NFRKB: variants seen among roughly 807,000 people sequenced by gnomAD.
NFRKB encodes the protein nuclear factor related to kappa-B-binding protein.
A neutral mutation model predicts 135.7 loss-of-function variants in NFRKB; 62 were observed. That is an observed-to-expected ratio of 0.46 (90% CI 0.37 to 0.56). The LOEUF (loss-of-function observed/expected upper bound fraction) is 0.56. NFRKB is among the 20% of genes least tolerant of loss of function. The probability of loss-of-function intolerance (pLI) is 0.00; values close to 1 mark genes in which losing one functional copy is unlikely to be tolerated. For synonymous variants in NFRKB, 678 were observed against 635.6 expected (o/e 1.07, Z -1.00); for missense variants, 1,545 against 1,662.0 (o/e 0.93, Z 1.22).
chr11:129,875,044 C>A, intron 18 of NFRKB, 128 bp from the exon 19 acceptor site: 1 of 1,195,076 alleles, frequency 8.4e-7, no homozygotes, highest in Non-Finnish European at 1.2e-6. Context: ...AGCCTAGCTG[C>A]GTATTCCCAA....
intron 4 of NFRKB, 82 bp downstream of exon 4, chr11:129,888,512 A>C (rs1399571031): frequency 7.6e-7 from 1 of 1,323,550 alleles, no homozygotes; most frequent in South Asian, 1.2e-5. Flanking sequence ...AAAAAGAAGA[A>C]AAGGAAGAAA....
In NFRKB at chr11:129,870,189, G is replaced by A. The variant is rs1299880854; in HGVS notation, c.2836C>T (p.Arg946Cys). The change falls in exon 24 of 27, where the codon CGC becomes TGC. Residue 946 changes from arginine to cysteine, a missense_variant. Around this residue, in one of 3 missense-constraint regions of NFRKB, gnomAD observed 753 missense variants for 804.3 expected, o/e 0.94. Transcript: ENST00000682444. ...CGCAATACATCCTTACCCTGGATGC[G>A]GAAGTTAGTGGCTGTGAGTGGAATG... The part of the protein sequence containing the change: ...NSIPLTATNF[R>C]IQGKDVLRLP... 8 of 1,614,198 alleles carry A rather than the reference G, an allele frequency of 5.0e-6. No individual in the cohort carries two copies. Among genetic ancestry groups the A allele is most frequent in the South Asian group, 3.3e-5 (3 of 91,084 alleles).
rs1376564996 is a variant in NFRKB at position 129,888,779 on chromosome 11, T to A, written c.152A>T (p.Asp51Val). The change falls in exon 4 of 27, where the codon GAT (aspartate) becomes GTT (valine). Residue 51 changes from aspartate (D) to valine (V), a missense_variant. This residue lies in a region of NFRKB where 678 missense variants were observed against 646.7 expected (regional missense o/e 1.05). Transcript: ENST00000682444. ...DLLEDPEIFF[D>V]VVSLSTWQEV... ...CTGCCATGTTGAGAGGCTGACAACA[T>A]CAAAGAAGATCTCAGGCTAGGAGAA... 8.7e-6 allele frequency: 14 copies of A among 1,613,124 alleles called. No individual in the cohort carries two copies. The South Asian group carries it at 1.1e-4, about 13-fold the overall frequency.
At chr11:129,884,413 C>G (rs1206177493) in intron 7 of NFRKB, among the ~76,000 whole-genome samples, 1 of 152,192 alleles carries the variant, frequency 6.6e-6, no homozygotes, top group Non-Finnish European at 1.5e-5. Flanking sequence ...TCCAAACTCA[C>G]AGACACTCTG....
intron 4 of NFRKB, chr11:129,888,209 T>C (rs1168856124): frequency 6.3e-5 from 32 of 509,044 alleles, no homozygotes; most frequent in Non-Finnish European, 4.5e-5. Context: ...CAGCAAAAAG[T>C]GTGTGTGTAC....
rs76283407 is a variant in NFRKB at position 129,876,960 on chromosome 11, T to C, written c.1573-65A>G. On this transcript the variant is annotated intron_variant, in intron 16 of 26. Transcript: ENST00000682444. ...AGTGGGGTTCTCTCTCGGGCTTCCTTACAATATAAGCAGATCCACATGGAA... is the reference window on the plus strand; with the variant it reads ...AGTGGGGTTCTCTCTCGGGCTTCCTCACAATATAAGCAGATCCACATGGAA... 8.4e-3 allele frequency: 12,288 copies of C among 1,454,406 alleles called. 877 individuals carry two copies. The African/African-American group carries it at 0.15, about 18-fold the overall frequency. 90.1% of individuals were successfully genotyped at this position (1,454,406 alleles called of 1,614,324 possible). A position where few individuals can be genotyped will look rare whatever the true frequency, so the allele number is the denominator to read the frequency against.
chr11:129,893,132 T>C (rs1311942330), intron 2 of NFRKB: 16 of 1,299,108 alleles, frequency 1.2e-5, no homozygotes, highest in Non-Finnish European at 1.4e-5. Flanking sequence ...TGCCTTCATT[T>C]TACAGATGAG....
Position 129,882,535 on chromosome 11 carries a change from A to C in NFRKB, c.998T>G (p.Leu333Arg). ...TTCAGTACTGCTTAGCGGCTCGGCC[A>C]GGTCCTCTGCCTCTGATTTGATCGT... ...IKTIKSEAEDLAEPLSSTEGV... is the reference protein window; with the variant it reads ...IKTIKSEAEDRAEPLSSTEGV... The change falls in exon 10 of 27, where the codon CTG becomes CGG. Residue 333 changes from leucine (L) to arginine (R), a missense_variant. This residue lies in a region of NFRKB where 678 missense variants were observed against 646.7 expected (regional missense o/e 1.05). Transcript: ENST00000682444. The C allele has an allele frequency of 6.2e-7, 1 of 1,614,102 alleles. No homozygotes were observed. Among genetic ancestry groups the C allele is most frequent in the Non-Finnish European group, 8.5e-7 (1 of 1,179,964 alleles).
intron 17 of NFRKB, 136 bp from the exon 18 acceptor site, chr11:129,875,599 C>G: frequency 1.7e-6 from 1 of 593,930 alleles, no homozygotes; most frequent in South Asian, 2.1e-5. Flanking sequence ...GGATTAGGTG[C>G]ACTCTGCCCT....
chr11:129,874,549 A>G lies in NFRKB; in HGVS notation c.2010T>C (p.Ala670=). The G allele has an allele frequency of 6.2e-7, 1 of 1,614,144 alleles. No homozygotes were observed. The highest frequency in any genetic ancestry group is 8.5e-7 in the Non-Finnish European group (1 of 1,180,032). The stretch of plus-strand genomic sequence containing the variant: ...TTTGCTGAAGAGCTTTTCTGGCTTT[A>G]GCTGCAGCTGCTTGTGCTTGGTGAA... ...ERIHQAQAAA[A]KARKALQQKP... Residue 670 remains alanine, a synonymous_variant, in exon 20 of 27, where the codon GCT becomes GCC. Transcript: ENST00000682444. This position sits in a 1 kb window ranked among gnomAD's most constrained non-coding sequence, Gnocchi z 4.5.
rs368899024 is a variant in NFRKB, at chr11:129,882,487, G to T, written c.1046C>A (p.Ala349Asp). The T allele has an allele frequency of 1.1e-5, 17 of 1,613,740 alleles. No homozygotes were observed. In the Admixed American group the frequency reaches 2.7e-4, roughly 25 times the overall value. Residue 349 changes from alanine to aspartate, a missense_variant, in exon 10 of 27, where the codon GCC (alanine) becomes GAC (aspartate). Ala to Asp is a moderately radical substitution (Grantham distance 126). Around this residue, in one of 3 missense-constraint regions of NFRKB, gnomAD observed 678 missense variants for 646.7 expected, o/e 1.05. Transcript: ENST00000682444. ...AGCAGGAATTGCCAGCGGAGAGGGG[G>T]CCTGTGAGAGAGGTGCGACCCCTTC... ...STEGVAPLSQ[A>D]PSPLAIPAIK...
chr11:129,883,978 A>G, intron 8 of NFRKB, 92 bp downstream of exon 8: 1 of 1,303,104 alleles, frequency 7.7e-7, no homozygotes, highest in South Asian at 1.2e-5. Context: ...GGACATACAG[A>G]CGAGGCAGTG....
At chr11:129,893,064 G>T in intron 2 of NFRKB, 194 bp from the exon 3 acceptor site, 1 of 1,424,518 alleles carries the variant, frequency 7.0e-7, no homozygotes, top group Non-Finnish European at 9.2e-7. Context: ...AGTCTTACCT[G>T]GAAGAGCTCT....
At chr11:129,877,562 A>AT (rs1417377651) in intron 15 of NFRKB, among the ~76,000 whole-genome samples, 177 bp from the exon 16 acceptor site, 1 of 152,222 alleles carries the variant, frequency 6.6e-6, no homozygotes, top group Non-Finnish European at 1.5e-5. Context: ...CCTGTTGGTA[A>AT]TTCCAAAATC....
At position 129,866,014 on chromosome 11, in the gene NFRKB, G is replaced by C. The variant is rs574963403; in HGVS notation, c.3532-31C>G. On this transcript the variant is annotated intron_variant, in intron 24 of 26. Transcript: ENST00000682444. Reference sequence around the variant, plus strand: ...AAAAAAAAGCAGTCAGGTTTTGTAAGACAGGAGGTAAGGAAAACCAGCAAG... The same window carrying C: ...AAAAAAAAGCAGTCAGGTTTTGTAACACAGGAGGTAAGGAAAACCAGCAAG... 13 of 1,556,514 alleles carry C rather than the reference G, an allele frequency of 8.4e-6. No individual in the cohort carries two copies. In the East Asian group the frequency reaches 2.5e-4, roughly 30 times the overall value.
intron 1 of NFRKB, 77 bp from the exon 2 acceptor site, chr11:129,894,515 A>G (rs777751259): frequency 4.6e-5 from 7 of 152,232 alleles, no homozygotes; most frequent in Admixed American, 3.3e-4. Context: ...AAATTCTCCA[A>G]TGATAAAGAA....
rs762626664 is a variant in NFRKB, at chr11:129,874,154, G to A, written c.2238C>T (p.Ser746=). The change falls in exon 21 of 27, where the codon AGC becomes AGT. Residue 746 remains serine, a synonymous_variant. Coordinates refer to ENST00000682444, the MANE Select transcript of NFRKB (RefSeq NM_001143835.2). The surrounding 1 kb of genome is among the most constrained non-coding windows in gnomAD (Gnocchi z 4.5). ...CTGGTTCTGAGACTGTGGAAGGGCCGCTTTTGTTCACTGCCGATACAGGTG... is the reference window on the plus strand; with the variant it reads ...CTGGTTCTGAGACTGTGGAAGGGCCACTTTTGTTCACTGCCGATACAGGTG... The part of the protein sequence containing the change: ...SPPPVSAVNK[S]GPSTVSEPAK... 118 of 1,526,290 alleles carry A rather than the reference G, an allele frequency of 7.7e-5. No homozygotes were observed. Among genetic ancestry groups the A allele is most frequent in the Non-Finnish European group, 7.9e-5 (90 of 1,138,322 alleles). 94.5% of individuals were successfully genotyped at this position (1,526,290 alleles called of 1,614,324 possible). A position where few individuals can be genotyped will look rare whatever the true frequency, so the allele number is the denominator to read the frequency against.
intron 10 of NFRKB, 119 bp downstream of exon 10, chr11:129,882,332 G>T (rs1949068754): frequency 3.0e-6 from 4 of 1,355,368 alleles, no homozygotes; most frequent in Non-Finnish European, 4.1e-6. Flanking sequence ...CAGTATCCCT[G>T]GGACTTCAGG....
chr11:129,892,436 A>G (rs903233544), intron 3 of NFRKB, among the ~76,000 whole-genome samples: 2 of 152,190 alleles, frequency 1.3e-5, no homozygotes, highest in Non-Finnish European at 2.9e-5. Context: ...ACCATTTTTA[A>G]TGGATGAAAA....
Sources: allele counts gnomAD v4.1 joint callset (sites outside exome capture counted in the v4.1 genomes callset), GRCh38; gene constraint gnomAD v4.1.1; regional missense constraint gnomAD v4.1.1; non-coding constraint Gnocchi (gnomAD v3.1); transcripts MANE v1.5; gene names NCBI Gene and HGNC (gene_info 2026-07-23, HGNC 2026-07-21).